Variants in PEAK3 observed in about 807,000 individuals in gnomAD.
PEAK3 encodes protein PEAK3.
A neutral mutation model predicts 13.3 loss-of-function variants in PEAK3; 15 were observed. The observed-to-expected ratio is 1.13, with a 90% CI of 0.75 to 1.73. The LOEUF (loss-of-function observed/expected upper bound fraction) is 1.73, where lower values mean the gene tolerates loss of function less well. Ranked by LOEUF, PEAK3 falls within the 40% of genes most tolerant of loss-of-function variation. The pLI, the probability that PEAK3 is intolerant of heterozygous loss-of-function variation, is 0.00. For synonymous variants in PEAK3, 347 were observed against 341.9 expected (o/e 1.01, Z -0.17); for missense variants, 739 against 690.2 (o/e 1.07, Z -0.79).
intron 1 of PEAK3, among the ~76,000 whole-genome samples, chr19:2,281,711 C>A (rs78548894): frequency 6.7e-6 from 1 of 150,034 alleles, no homozygotes; most frequent in African/African-American, 2.5e-5. Flanking sequence ...TGGGCCCCTG[C>A]TGTGTGATTC....
At chr19:2,277,537 CT>C (rs1366261378) in intron 3 of PEAK3, among the ~76,000 whole-genome samples, 1 of 151,978 alleles carries the variant, frequency 6.6e-6, no homozygotes, top group Non-Finnish European at 1.5e-5. Flanking sequence ...ATTCCTTTTT[CT>C]TTTCTTTTCT....
chr19:2,280,053 C>CTTTTTTT (rs34177687), intron 2 of PEAK3, among the ~76,000 whole-genome samples: 1 of 36,788 alleles, frequency 2.7e-5, no homozygotes, highest in Non-Finnish European at 4.6e-5. Context: ...TGCACCTGGC[C>CTTTTTTT]TTTTTTTTTT....
Position 2,276,208 on chromosome 19 carries a change from C to G in PEAK3, c.894G>C (p.Trp298Cys), listed in dbSNP as rs755804524. 24 of 1,566,946 alleles carry G rather than the reference C, an allele frequency of 1.5e-5. No individual in the cohort carries two copies. In the African/African-American group the frequency reaches 3.0e-4, roughly 20 times the overall value. ...LSAALKFLEA[W>C]GAALVELRPE... Reference sequence around the variant, plus strand: ...GCCGCAACTCGACTAGGGCCGCGCCCCACGCCTCCAGGAACTTCAGGGCCG... The same window carrying G: ...GCCGCAACTCGACTAGGGCCGCGCCGCACGCCTCCAGGAACTTCAGGGCCG... The change falls in exon 4 of 4, where the codon TGG becomes TGC. Residue 298 changes from tryptophan (W) to cysteine (C), a missense_variant. Coordinates refer to ENST00000342063, the MANE Select transcript of PEAK3 (RefSeq NM_198532.3).
rs994798256 is a variant in PEAK3, at chr19:2,275,855, C to T, written c.1247G>A (p.Trp416Ter). ...LRGRGAPLGP[W>*]LRALGPWLRV... ...CAGCCAGGGCCCGAGCGCTCGGAGCCAGGGACCAAGCGGTGCTCCGCGGCC... is the reference window on the plus strand; with the variant it reads ...CAGCCAGGGCCCGAGCGCTCGGAGCTAGGGACCAAGCGGTGCTCCGCGGCC... Residue 416 changes from tryptophan (W) to a stop codon, truncating the protein, a stop_gained, in exon 4 of 4, where the codon TGG becomes TAG. Transcript: ENST00000342063. LOFTEE classifies it low-confidence loss of function (END_TRUNC). 6.7e-7 allele frequency: 1 copy of T among 1,486,448 alleles called. No homozygotes were observed. Among genetic ancestry groups the T allele is most frequent in the Non-Finnish European group, 8.9e-7 (1 of 1,124,574 alleles). The allele number at this position is 1,486,448 out of a possible 1,614,324, so 92.1% of individuals were successfully genotyped here.
chr19:2,278,724 T>TGAGCCGGGCACG lies in PEAK3; in HGVS notation c.460_471dup (p.Arg154_Leu157dup). On this transcript the variant is annotated inframe_insertion, in exon 3 of 4. Coordinates refer to ENST00000342063, the MANE Select transcript of PEAK3 (RefSeq NM_198532.3). ...TGGCAGGGCCCGGGGTGGCCCCCCA[T>TGAGCCGGGCACG]GAGCCGGGCACGGAGCCGGGCATAG... 3 of 1,532,476 alleles carry TGAGCCGGGCACG rather than the reference T, an allele frequency of 2.0e-6. No individual in the cohort carries two copies. Among genetic ancestry groups the TGAGCCGGGCACG allele is most frequent in the Non-Finnish European group, 1.8e-6 (2 of 1,137,562 alleles). The allele number at this position is 1,532,476 out of a possible 1,614,324, so 94.9% of individuals were successfully genotyped here.
chr19:2,281,480 T>C (rs74440602), intron 1 of PEAK3, among the ~76,000 whole-genome samples: 277 of 50,702 alleles, frequency 5.5e-3, no homozygotes, highest in Middle Eastern at 0.053. Context: ...GGTTTCCTAC[T>C]CTCTCTGGGC....
chr19:2,281,018 G>A, intron 1 of PEAK3, 83 bp from the exon 2 acceptor site: 1 of 892,904 alleles, frequency 1.1e-6, no homozygotes, highest in Non-Finnish European at 1.7e-6. Context: ...TGAGTGCTGG[G>A]GCCTGGGAGA....
chr19:2,280,407 A>G (rs911474512), intron 2 of PEAK3, among the ~76,000 whole-genome samples: 2 of 150,666 alleles, frequency 1.3e-5, no homozygotes, highest in African/African-American at 4.9e-5. Context: ...ATTTTTTTCT[A>G]TTTCATGGCT....
chr19:2,276,840 C>T (rs539241922), intron 3 of PEAK3, among the ~76,000 whole-genome samples: 3 of 152,206 alleles, frequency 2.0e-5, no homozygotes, highest in African/African-American at 7.2e-5. Flanking sequence ...GCAGGGAACG[C>T]TCGTCTCTAC....
chr19:2,276,520 A>G, intron 3 of PEAK3, 31 bp from the exon 4 acceptor site: 1 of 1,452,798 alleles, frequency 6.9e-7, no homozygotes, highest in Non-Finnish European at 9.0e-7. Flanking sequence ...CGGGGCCTGG[A>G]TCACTGGGCC....
rs770647791 is a variant in PEAK3, at chr19:2,279,038, T to C, written c.158A>G (p.Glu53Gly). 1 of 1,515,848 alleles carries C rather than the reference T, an allele frequency of 6.6e-7. No individual in the cohort carries two copies. The highest frequency in any genetic ancestry group is 8.9e-7 in the Non-Finnish European group (1 of 1,126,204). The allele number at this position is 1,515,848 out of a possible 1,614,324, so 93.9% of individuals were successfully genotyped here. A position where few individuals can be genotyped will look rare whatever the true frequency, so the allele number is the denominator to read the frequency against. Residue 53 changes from glutamate (E) to glycine (G), a missense_variant, in exon 3 of 4, where the codon GAG (glutamate) becomes GGG (glycine). Coordinates refer to ENST00000342063, the MANE Select transcript of PEAK3 (RefSeq NM_198532.3). ...CTTGGGCAGGGGTGGGGGCAGGGGCTCTGGGTTGGTGGAGAGGGACCCAGG... is the reference window on the plus strand; with the variant it reads ...CTTGGGCAGGGGTGGGGGCAGGGGCCCTGGGTTGGTGGAGAGGGACCCAGG... ...RTPGSLSTNP[E>G]PLPPPLPKKI...
At position 2,275,776 on chromosome 19, in the gene PEAK3, C is replaced by G. The variant is rs779421676; in HGVS notation, c.1326G>C (p.Gly442=). 3 of 1,579,720 alleles carry G rather than the reference C, an allele frequency of 1.9e-6. No homozygotes were observed. Among genetic ancestry groups the G allele is most frequent in the Admixed American group, 3.5e-5 (2 of 56,918 alleles). Residue 442 remains glycine, a synonymous_variant, in exon 4 of 4, where the codon GGG becomes GGC. Coordinates refer to ENST00000342063, the MANE Select transcript of PEAK3 (RefSeq NM_198532.3). ...VLRLAERAAG[G]EAPSLEDWLC... is the part of the protein sequence containing the mutation. The stretch of plus-strand genomic sequence containing the variant: ...GCCAGTCCTCGAGGCTGGGAGCTTC[C>G]CCACCTGCGGCCCGCTCTGCTAGGC...
intron 2 of PEAK3, among the ~76,000 whole-genome samples, chr19:2,279,733 T>C (rs1193208083): frequency 6.6e-6 from 1 of 151,816 alleles, no homozygotes; most frequent in Admixed American, 6.6e-5. Flanking sequence ...CTTACCTCCG[T>C]GGCTTTGCAC....
intron 1 of PEAK3, 22 bp from the exon 2 acceptor site, chr19:2,280,957 C>A (rs546457494): frequency 2.0e-6 from 3 of 1,491,568 alleles, no homozygotes; most frequent in African/African-American, 1.4e-5. Flanking sequence ...TCAAACGGGG[C>A]GTGTGTGGGG....
Position 2,278,843 on chromosome 19 carries a change from T to G in PEAK3, c.353A>C (p.Asp118Ala). Residue 118 changes from aspartate to alanine, a missense_variant, in exon 3 of 4, where the codon GAC becomes GCC. Physicochemically the swap from Asp to Ala is moderately radical, Grantham distance 126 (BLOSUM62 -2). Coordinates refer to ENST00000342063, the MANE Select transcript of PEAK3 (RefSeq NM_198532.3). ...LPAELTFGPA[D>A]APLGLSLRDL... ...GCGGAGGGAGAGGCCCAGTGGGGCGTCAGCCGGGCCAAAGGTCAGCTCTGC... is the reference window on the plus strand; with the variant it reads ...GCGGAGGGAGAGGCCCAGTGGGGCGGCAGCCGGGCCAAAGGTCAGCTCTGC... 6.3e-7 allele frequency: 1 copy of G among 1,596,840 alleles called. No homozygotes were observed. Among genetic ancestry groups the G allele is most frequent in the Non-Finnish European group, 8.5e-7 (1 of 1,172,184 alleles).
intron 3 of PEAK3, among the ~76,000 whole-genome samples, chr19:2,277,046 G>C (rs1476946065): frequency 6.6e-6 from 1 of 152,080 alleles, no homozygotes; most frequent in Non-Finnish European, 1.5e-5. Flanking sequence ...CACAAAAGCA[G>C]ATCCCCGGCC....
chr19:2,281,051 G>A, intron 1 of PEAK3, 116 bp from the exon 2 acceptor site: 1 of 622,684 alleles, frequency 1.6e-6, no homozygotes, highest in Middle Eastern at 3.3e-4. Context: ...CCTGCTCCAG[G>A]GCCCTTGGTG....
At chr19:2,276,647 T>G (rs1201556994) in intron 3 of PEAK3, among the ~76,000 whole-genome samples, 158 bp from the exon 4 acceptor site, 1 of 151,952 alleles carries the variant, frequency 6.6e-6, no homozygotes, top group Admixed American at 6.6e-5. Flanking sequence ...AGGAGGTCAG[T>G]GTTAATTTGG....
In PEAK3 at chr19:2,277,019, AAAAAC is replaced by A. The variant is rs555050379; in HGVS notation, c.613-535_613-531del. The stretch of plus-strand genomic sequence containing the variant: ...AGAGTGAGACTCTGTCTCAAAAACA[AAAAAC>A]AAAACAAAAAACACAAAAGCAGATC... On this transcript the variant is annotated intron_variant, in intron 3 of 3. Transcript: ENST00000342063. Among the ~76,000 whole-genome samples, 234 of 152,250 alleles carry A rather than the reference AAAAAC, an allele frequency of 1.5e-3. 1 individual carries two copies. Among genetic ancestry groups the A allele is most frequent in the South Asian group, 5.4e-3 (26 of 4,822 alleles).
Sources: allele counts gnomAD v4.1 joint callset (sites outside exome capture counted in the v4.1 genomes callset), GRCh38; gene constraint gnomAD v4.1.1; transcripts MANE v1.5; gene names NCBI Gene and HGNC (gene_info 2026-07-23, HGNC 2026-07-21).